Variants in ATP10B observed in about 807,000 individuals in gnomAD.
The protein encoded by ATP10B is phospholipid-transporting ATPase VB.
A neutral mutation model predicts 141.2 loss-of-function variants in ATP10B; 122 were observed. The observed-to-expected ratio is 0.86, with a 90% confidence interval of 0.75 to 1.00. The LOEUF (loss-of-function observed/expected upper bound fraction) is 1.00, where lower values mean the gene tolerates loss of function less well. Among genes scored for constraint, ATP10B ranks in the 50% least tolerant of loss-of-function variants. The pLI, the probability that ATP10B is intolerant of heterozygous loss-of-function variation, is 0.00. For synonymous variants in ATP10B, 685 were observed against 692.0 expected, an observed-to-expected ratio of 0.99 and a Z score of 0.16; for missense variants, 1,876 against 1,825.3, an observed-to-expected ratio of 1.03 and a Z score of -0.51.
intron 7 of ATP10B, among the ~76,000 whole-genome samples, chr5:160,650,573 TATG>T (rs1351528059): frequency 2.0e-5 from 3 of 152,192 alleles, no homozygotes; most frequent in Non-Finnish European, 4.4e-5. Context: ...CCCAAATCCT[TATG>T]ATTTGTCAGG....
intron 1 of ATP10B, among the ~76,000 whole-genome samples, chr5:160,789,930 T>C (rs980486383): frequency 6.6e-6 from 1 of 152,184 alleles, no homozygotes; most frequent in Non-Finnish European, 1.5e-5. Flanking sequence ...ATACTGTATA[T>C]GTTTGCTGAG....
intron 24 of ATP10B, among the ~76,000 whole-genome samples, chr5:160,588,313 C>A (rs1581159132): frequency 2.6e-5 from 4 of 152,200 alleles, no homozygotes; most frequent in African/African-American, 9.6e-5. Flanking sequence ...AATGAGAACT[C>A]CATGATCCAA....
At position 160,606,813 on chromosome 5, in the gene ATP10B, T is replaced by C. The variant is rs532438642; in HGVS notation, c.3112A>G (p.Ile1038Val). ...CRSTPLQKSM[I>V]VKLVRDKLRV... ...AACTTGTCTCGCACCAGCTTGACTA[T>C]CATACTCTTCTGGAGTGGCGTGGAG... Residue 1038 changes from isoleucine to valine, a missense_variant, in exon 19 of 26, where the codon ATA becomes GTA. Coordinates refer to ENST00000327245, the MANE Select transcript of ATP10B (RefSeq NM_025153.3). 7 of 1,614,152 alleles carry C rather than the reference T, an allele frequency of 4.3e-6. No homozygotes were observed. The highest frequency in any genetic ancestry group is 3.3e-5 in the Admixed American group (2 of 60,024).
intron 1 of ATP10B, among the ~76,000 whole-genome samples, chr5:160,803,688 T>TA (rs942968952): frequency 7.9e-5 from 12 of 151,942 alleles, no homozygotes; most frequent in African/African-American, 2.9e-4. Context: ...AAAAATAAAA[T>TA]AAATAAAAAG....
At chr5:160,615,488 T>C (rs1172276669) in intron 17 of ATP10B, among the ~76,000 whole-genome samples, 1 of 151,672 alleles carries the variant, frequency 6.6e-6, no homozygotes, top group Non-Finnish European at 1.5e-5. Flanking sequence ...GGCAGACTTT[T>C]TGGCTCCTGT....
At chr5:160,640,635 G>T in intron 9 of ATP10B, 43 bp from the exon 10 acceptor site, 1 of 1,610,398 alleles carries the variant, frequency 6.2e-7, no homozygotes, top group Non-Finnish European at 8.5e-7. Context: ...GTTCCTGTTT[G>T]CCTATGTCTT....
the ATP10B span, among the ~76,000 whole-genome samples, chr5:160,862,380 G>A: frequency 3.9e-5 from 6 of 151,942 alleles, no homozygotes; most frequent in Admixed American, 2.0e-4. Flanking sequence ...ATTCCAGCCT[G>A]CCCTTCCTGA....
chr5:160,738,946 C>T (rs1247137739), intron 2 of ATP10B, among the ~76,000 whole-genome samples: 3 of 151,976 alleles, frequency 2.0e-5, no homozygotes, highest in South Asian at 2.1e-4. Context: ...AGCAATGTAC[C>T]TTATGAATGT....
intron 2 of ATP10B, among the ~76,000 whole-genome samples, chr5:160,757,070 T>G (rs547312989): frequency 1.6e-4 from 25 of 152,312 alleles, no homozygotes; most frequent in Non-Finnish European, 2.6e-4. Flanking sequence ...ATTTTGTAAT[T>G]TTAGATCTTG....
intron 1 of ATP10B, among the ~76,000 whole-genome samples, chr5:160,834,283 C>T (rs974350456): frequency 6.6e-6 from 1 of 151,996 alleles, no homozygotes; most frequent in Admixed American, 6.6e-5. Flanking sequence ...CGAGATCATG[C>T]CACTGCACTC....
chr5:160,806,671 T>C (rs544394817), intron 1 of ATP10B, among the ~76,000 whole-genome samples: 3 of 152,352 alleles, frequency 2.0e-5, no homozygotes, highest in Admixed American at 1.3e-4. Flanking sequence ...GTTTGACTAA[T>C]ATGTTTTTAA....
At chr5:160,787,109 C>T (rs1581531026) in intron 1 of ATP10B, among the ~76,000 whole-genome samples, 1 of 44,988 alleles carries the variant, frequency 2.2e-5, no homozygotes, top group Non-Finnish European at 4.2e-5. Context: ...GACACAGACA[C>T]ACACACACAC....
chr5:160,921,463 A>G, the ATP10B span, among the ~76,000 whole-genome samples: 3 of 152,318 alleles, frequency 2.0e-5, no homozygotes, highest in African/African-American at 7.2e-5. Context: ...TATCTCCAGA[A>G]TGACTATCTT....
In ATP10B at chr5:160,778,353, C is replaced by G. The variant is rs903753766; in HGVS notation, c.-331+7206G>C. 5.9e-5 allele frequency among the ~76,000 whole-genome samples: 9 copies of G among 152,174 alleles called. No individual in the cohort carries two copies. In the South Asian group the frequency reaches 6.2e-4, roughly 11 times the overall value. ...CTCCAAGGATGGAAGAAAGACTGCT[C>G]CAGTCCTCCAATACCCTTCCTGAAG... On this transcript the variant is annotated intron_variant, in intron 2 of 25. Coordinates refer to ENST00000327245, the MANE Select transcript of ATP10B (RefSeq NM_025153.3).
intron 18 of ATP10B, among the ~76,000 whole-genome samples, chr5:160,607,478 G>C (rs527368801): frequency 2.0e-5 from 3 of 152,148 alleles, no homozygotes; most frequent in Admixed American, 6.5e-5. Context: ...ACATTCCTGC[G>C]TGGTAGATAG....
intron 1 of ATP10B, among the ~76,000 whole-genome samples, chr5:160,830,329 TCTTAA>T (rs1402235990): frequency 9.2e-5 from 14 of 152,142 alleles, no homozygotes; most frequent in Admixed American, 9.2e-4. Context: ...GCAATTCACT[TCTTAA>T]CTTTTTTAAT....
chr5:160,726,864 C>T (rs1389067604), intron 2 of ATP10B, among the ~76,000 whole-genome samples: 1 of 152,036 alleles, frequency 6.6e-6, no homozygotes, highest in African/African-American at 2.4e-5. Context: ...TGATTGCCTC[C>T]TTTGGAAAGA....
intron 1 of ATP10B, among the ~76,000 whole-genome samples, chr5:160,823,335 A>G (rs1208054465): frequency 1.3e-5 from 2 of 152,006 alleles, no homozygotes; most frequent in Non-Finnish European, 2.9e-5. Context: ...TGGGAGCTGA[A>G]CAATGAGAAC....
chr5:160,730,974 C>G (rs1451869501), intron 2 of ATP10B, among the ~76,000 whole-genome samples: 1 of 152,160 alleles, frequency 6.6e-6, no homozygotes, highest in East Asian at 1.9e-4. Flanking sequence ...CTGGTTCAGC[C>G]ATTCTCTGGG....
Sources: gnomAD v4.1 joint callset for allele counts (sites outside exome capture counted in the v4.1 genomes callset) on GRCh38, gnomAD v4.1.1 for gene constraint, MANE v1.5 for transcripts, NCBI Gene and HGNC (gene_info 2026-07-23, HGNC 2026-07-21) for gene names.